LGR4: variants seen among roughly 807,000 people sequenced by gnomAD.
The protein encoded by LGR4 is leucine rich repeat containing G protein-coupled receptor 4, also known as leucine-rich repeat-containing G protein-coupled receptor 4.
LGR4 carries 44 observed loss-of-function variants against 84.8 expected under a neutral mutation model. The ratio of observed to expected loss-of-function variants is 0.52; its 90% CI spans 0.41 to 0.67. LGR4 has a LOEUF of 0.67. LGR4 is among the 30% of genes least tolerant of loss of function. The pLI, the probability that LGR4 is intolerant of heterozygous loss-of-function variation, is 0.00. For missense variants in LGR4, 1,032 were observed against 1,131.4 expected (o/e 0.91, Z 1.26); for synonymous variants, 429 against 434.3 (o/e 0.99, Z 0.15).
intron 4 of LGR4, among the ~76,000 whole-genome samples, chr11:27,388,264 T>C (rs868324310): frequency 2.0e-5 from 3 of 152,154 alleles, no homozygotes; most frequent in African/African-American, 7.2e-5. Flanking sequence ...GTAAAGAGTA[T>C]GTACTTATAC....
chr11:27,441,086 T>C (rs1864297498), intron 1 of LGR4, among the ~76,000 whole-genome samples: 1 of 152,140 alleles, frequency 6.6e-6, no homozygotes, highest in African/African-American at 2.4e-5. Flanking sequence ...AGAGGAGTCT[T>C]ACCTAAAGTG....
intron 1 of LGR4, among the ~76,000 whole-genome samples, chr11:27,468,192 G>T (rs1864814863): frequency 6.6e-6 from 1 of 152,160 alleles, no homozygotes. Flanking sequence ...AAGTCCTTCA[G>T]GTAACTCAAT....
intron 1 of LGR4, among the ~76,000 whole-genome samples, chr11:27,461,888 G>A (rs899210585): frequency 4.8e-5 from 6 of 124,498 alleles, no homozygotes; most frequent in African/African-American, 1.8e-4. Context: ...CTGTCGTCCA[G>A]GCTGGATCTT....
intron 1 of LGR4, among the ~76,000 whole-genome samples, chr11:27,438,480 T>C (rs1326353513): frequency 6.6e-6 from 1 of 152,138 alleles, no homozygotes; most frequent in Non-Finnish European, 1.5e-5. Context: ...CCTCCTACAA[T>C]GCCTAAGACA....
rs1862826822 is a variant in LGR4 at position 27,368,842 on chromosome 11, G to A, written c.1881C>T (p.Phe627=). ...ATAAAAATATGGCACTTTCTGAGGA[G>A]AAAACTGCAAGAAACCCAGCTACTT... ...GCKVAGFLAV[F]SSESAIFLLM... is the part of the protein sequence containing the mutation. The change falls in exon 18 of 18, where the codon TTC becomes TTT. Residue 627 remains phenylalanine, a synonymous_variant. Transcript: ENST00000379214. 6.2e-7 allele frequency: 1 copy of A among 1,614,016 alleles called. No individual in the cohort carries two copies.
At chr11:27,383,384 G>A (rs1202229217) in intron 6 of LGR4, among the ~76,000 whole-genome samples, 1 of 152,114 alleles carries the variant, frequency 6.6e-6, no homozygotes, top group Admixed American at 6.5e-5. Flanking sequence ...TTGAAATAGT[G>A]TACACAGCTT....
At chr11:27,405,202 G>A (rs997069944) in intron 2 of LGR4, among the ~76,000 whole-genome samples, 1 of 152,102 alleles carries the variant, frequency 6.6e-6, no homozygotes, top group African/African-American at 2.4e-5. Context: ...TTTCTCACTA[G>A]TCATGGGCAT....
chr11:27,374,811 A>G (rs1862945238), intron 13 of LGR4, among the ~76,000 whole-genome samples: 1 of 152,186 alleles, frequency 6.6e-6, no homozygotes, highest in Non-Finnish European at 1.5e-5. Context: ...CTTCTTCCCT[A>G]TGACTGCCCA....
chr11:27,432,170 C>G (rs1327783673), intron 1 of LGR4, among the ~76,000 whole-genome samples: 1 of 152,184 alleles, frequency 6.6e-6, no homozygotes, highest in African/African-American at 2.4e-5. Flanking sequence ...AGCACTAACC[C>G]TACTTAAGAT....
chr11:27,395,433 A>G (rs1376036377), intron 2 of LGR4, among the ~76,000 whole-genome samples: 3 of 152,236 alleles, frequency 2.0e-5, no homozygotes, highest in Non-Finnish European at 4.4e-5. Context: ...TCAACAGAAA[A>G]GAGTGTTTGA....
At chr11:27,451,908 C>T (rs948105603) in intron 1 of LGR4, among the ~76,000 whole-genome samples, 1 of 152,110 alleles carries the variant, frequency 6.6e-6, no homozygotes, top group African/African-American at 2.4e-5. Flanking sequence ...AATTATAAAC[C>T]TAATGCATAA....
At chr11:27,451,861 T>C (rs1037285851) in intron 1 of LGR4, among the ~76,000 whole-genome samples, 1 of 152,230 alleles carries the variant, frequency 6.6e-6, no homozygotes, top group Non-Finnish European at 1.5e-5. Context: ...AGGAGAGCCA[T>C]GTCCATTCCA....
chr11:27,413,573 T>G (rs1264164745), intron 1 of LGR4, among the ~76,000 whole-genome samples: 1 of 152,134 alleles, frequency 6.6e-6, no homozygotes, highest in East Asian at 1.9e-4. Flanking sequence ...TCTGCCACAC[T>G]CCACTTGACA....
At chr11:27,431,693 A>T (rs543993995) in intron 1 of LGR4, among the ~76,000 whole-genome samples, 1 of 152,304 alleles carries the variant, frequency 6.6e-6, no homozygotes, top group African/African-American at 2.4e-5. Flanking sequence ...ACTCAGGACA[A>T]AAGGATTGTC....
intron 1 of LGR4, among the ~76,000 whole-genome samples, chr11:27,466,034 C>T (rs1864772003): frequency 6.6e-6 from 1 of 152,186 alleles, no homozygotes. Flanking sequence ...AACTTGAAGG[C>T]CGCACGGGAC....
chr11:27,401,696 T>C (rs1213483212), intron 2 of LGR4, among the ~76,000 whole-genome samples: 1 of 152,206 alleles, frequency 6.6e-6, no homozygotes, highest in Non-Finnish European at 1.5e-5. Context: ...CGTTTTTATA[T>C]AGACTGATAA....
chr11:27,425,071 C>A (rs1369247341), intron 1 of LGR4, among the ~76,000 whole-genome samples: 2 of 152,134 alleles, frequency 1.3e-5, no homozygotes, highest in Non-Finnish European at 2.9e-5. Flanking sequence ...AGTAGCCATC[C>A]AGTATATCGA....
intron 1 of LGR4, among the ~76,000 whole-genome samples, chr11:27,415,892 T>C (rs1423744812): frequency 2.0e-5 from 3 of 152,062 alleles, no homozygotes. Context: ...GATCTGACAT[T>C]ACCAACACCA....
At chr11:27,436,373 G>GAA (rs768756233) in intron 1 of LGR4, among the ~76,000 whole-genome samples, 5,388 of 133,508 alleles carry the variant, frequency 0.04, 237 homozygotes, top group African/African-American at 0.13. Flanking sequence ...AAGAAAGAAA[G>GAA]AGAGAGAGAG....
Sources: allele counts gnomAD v4.1 joint callset (sites outside exome capture counted in the v4.1 genomes callset), GRCh38; gene constraint gnomAD v4.1.1; transcripts MANE v1.5; gene names NCBI Gene and HGNC (gene_info 2026-07-23, HGNC 2026-07-21).